The following UBR3 variants were observed in gnomAD, a reference collection of about 807,000 sequenced individuals.
The protein encoded by UBR3 is ubiquitin protein ligase E3 component n-recognin 3, also known as E3 ubiquitin-protein ligase UBR3.
UBR3 carries 85 observed loss-of-function variants against 243.2 expected under a neutral mutation model. That is an observed-to-expected ratio of 0.35 (90% confidence interval 0.29 to 0.42). UBR3 has a LOEUF of 0.42. Among genes scored for constraint, UBR3 ranks in the 10% least tolerant of loss-of-function variants. The pLI is 1.00. For synonymous variants in UBR3, 748 were observed against 799.8 expected (o/e 0.94, Z 1.09); for missense variants, 1,686 against 2,300.8 (o/e 0.73, Z 5.47).
chr2:169,845,686 A>G (rs1373430384), intron 1 of UBR3, among the ~76,000 whole-genome samples: 11 of 151,278 alleles, frequency 7.3e-5, no homozygotes, highest in Non-Finnish European at 1.6e-4. Flanking sequence ...CCCGGGTTCA[A>G]GCGATTCTTG....
chr2:169,829,814 TACACACACACACACACACAC>T (rs10530118), intron 1 of UBR3, among the ~76,000 whole-genome samples: 1,701 of 149,230 alleles, frequency 0.011, 11 homozygotes, highest in Non-Finnish European at 0.018. Context: ...AGCTAAAAAG[TACACACACACACACACACAC>T]ACACACACAC....
intron 32 of UBR3, among the ~76,000 whole-genome samples, chr2:170,052,604 A>T (rs796433371): frequency 9.8e-5 from 15 of 152,352 alleles, no homozygotes; most frequent in African/African-American, 3.6e-4. Context: ...CAAAAAGAGA[A>T]ATACTGCATG....
intron 21 of UBR3, among the ~76,000 whole-genome samples, chr2:169,946,606 T>C (rs1038470070): frequency 2.6e-5 from 4 of 152,126 alleles, no homozygotes; most frequent in Non-Finnish European, 4.4e-5. Context: ...GATCTTCAAA[T>C]ACGTACAGTT....
At chr2:170,061,805 T>TA (rs1305758895) in intron 35 of UBR3, among the ~76,000 whole-genome samples, 1 of 152,350 alleles carries the variant, frequency 6.6e-6, no homozygotes, top group African/African-American at 2.4e-5. Context: ...GTTTTAAATA[T>TA]ACTGGTATGT....
intron 1 of UBR3, among the ~76,000 whole-genome samples, chr2:169,831,098 G>A (rs985185869): frequency 4.4e-5 from 5 of 114,158 alleles, no homozygotes; most frequent in African/African-American, 1.3e-4. Context: ...CCCTCTATGA[G>A]TTGGTACATT....
At chr2:169,952,879 G>C (rs2105363649) in intron 23 of UBR3, among the ~76,000 whole-genome samples, 1 of 152,144 alleles carries the variant, frequency 6.6e-6, no homozygotes, top group African/African-American at 2.4e-5. Context: ...ATTAGTAATA[G>C]CCTAGAATGT....
At chr2:169,855,743 A>G (rs1456863150) in intron 1 of UBR3, among the ~76,000 whole-genome samples, 2 of 152,208 alleles carry the variant, frequency 1.3e-5, no homozygotes, top group African/African-American at 2.4e-5. Flanking sequence ...TCCTATGTCT[A>G]CTTCTTTCCA....
intron 18 of UBR3, among the ~76,000 whole-genome samples, chr2:169,930,554 T>G (rs890985372): frequency 3.3e-5 from 5 of 151,898 alleles, no homozygotes; most frequent in African/African-American, 9.7e-5. Flanking sequence ...GCTGGCTAAT[T>G]TTCATGTGTT....
intron 22 of UBR3, 99 bp downstream of exon 22, chr2:169,947,814 G>A (rs1415677948): frequency 4.8e-6 from 6 of 1,247,412 alleles, no homozygotes; most frequent in Non-Finnish European, 6.1e-6. Context: ...AAAAAAAAAT[G>A]TGGTTGTAGA....
chr2:169,976,307 A>T (rs184070142), intron 24 of UBR3, among the ~76,000 whole-genome samples: 74 of 140,072 alleles, frequency 5.3e-4, no homozygotes, highest in African/African-American at 1.9e-3. Flanking sequence ...ATAATGTTTG[A>T]TTTTTTTTTT....
At chr2:169,901,659 A>T (rs992853269) in intron 8 of UBR3, among the ~76,000 whole-genome samples, 2 of 152,252 alleles carry the variant, frequency 1.3e-5, no homozygotes, top group Non-Finnish European at 2.9e-5. Flanking sequence ...ACAGGAGCTG[A>T]TACAATGAGA....
At chr2:169,952,028 C>T (rs532455204) in intron 23 of UBR3, among the ~76,000 whole-genome samples, 3 of 152,168 alleles carry the variant, frequency 2.0e-5, no homozygotes, top group South Asian at 2.1e-4. Context: ...TGAAGGTGTC[C>T]AGTCAGATAT....
intron 5 of UBR3, among the ~76,000 whole-genome samples, chr2:169,881,997 T>G (rs2083882260): frequency 1.6e-5 from 2 of 125,722 alleles, no homozygotes; most frequent in Non-Finnish European, 3.1e-5. Flanking sequence ...ATATGTATAT[T>G]TATATAATAT....
At chr2:170,080,447 T>A (rs2105462901) in intron 37 of UBR3, 98 bp from the exon 38 acceptor site, 16 of 1,189,026 alleles carry the variant, frequency 1.3e-5, no homozygotes, top group Non-Finnish European at 1.7e-5. Flanking sequence ...TTACTATTTT[T>A]AAATCACTGT....
At chr2:169,843,796 C>T (rs1446579914) in intron 1 of UBR3, among the ~76,000 whole-genome samples, 1 of 152,140 alleles carries the variant, frequency 6.6e-6, no homozygotes, top group Non-Finnish European at 1.5e-5. Context: ...CAGGGTAAAG[C>T]TGGCTTCATA....
intron 17 of UBR3, 42 bp from the exon 18 acceptor site, chr2:169,928,685 G>A: frequency 1.4e-6 from 2 of 1,406,924 alleles, no homozygotes; most frequent in Non-Finnish European, 9.5e-7. Context: ...CTATAAATCT[G>A]GCTTTTTGTT....
intron 30 of UBR3, among the ~76,000 whole-genome samples, chr2:170,016,031 T>C (rs1002052295): frequency 6.6e-6 from 1 of 151,854 alleles, no homozygotes; most frequent in Admixed American, 6.6e-5. Context: ...ATCACTGAAG[T>C]TGAAATATTA....
At chr2:169,976,822 C>T (rs931032697) in intron 24 of UBR3, among the ~76,000 whole-genome samples, 4 of 152,124 alleles carry the variant, frequency 2.6e-5, no homozygotes, top group Admixed American at 2.0e-4. Flanking sequence ...GGGAATTTTT[C>T]AGGTGTTACT....
intron 1 of UBR3, among the ~76,000 whole-genome samples, chr2:169,844,006 A>ATT (rs2082383399): frequency 1.0e-5 from 1 of 98,790 alleles, no homozygotes. Flanking sequence ...TTTTCTCTTT[A>ATT]CTTTTTTTTT....
Sources: gnomAD v4.1 joint callset for allele counts (sites outside exome capture counted in the v4.1 genomes callset) on GRCh38, gnomAD v4.1.1 for gene constraint, MANE v1.5 for transcripts, NCBI Gene and HGNC (gene_info 2026-07-23, HGNC 2026-07-21) for gene names.